The following IQSEC3 variants were observed in gnomAD, a reference collection of about 807,000 sequenced individuals.
IQSEC3 encodes IQ motif and Sec7 domain ArfGEF 3.
Under a neutral mutation model 105.4 loss-of-function variants are expected in IQSEC3, and 50 were observed. That is an observed-to-expected ratio of 0.47 (90% confidence interval 0.38 to 0.60). The LOEUF is 0.60. IQSEC3 is among the 20% of genes least tolerant of loss of function. The pLI is 0.00. For missense variants in IQSEC3, 1,415 were observed against 1,630.0 expected (o/e 0.87, Z 2.27); for synonymous variants, 708 against 746.0 (o/e 0.95, Z 0.83).
At position 91,501 on chromosome 12, in the gene IQSEC3, G is replaced by A. The variant is rs946607968; in HGVS notation, c.555-7645G>A. Among the ~76,000 whole-genome samples, 7 of 152,160 alleles carry A rather than the reference G, an allele frequency of 4.6e-5. No individual in the cohort carries two copies. In the East Asian group the frequency reaches 5.8e-4, roughly 13 times the overall value. ...TCTTTAAGAAACAGGGAGGCCCAGC[G>A]CGGTTGTTCATGCCTGTAATCCCAG... On this transcript the variant is annotated intron_variant, in intron 1 of 13. Transcript: ENST00000538872.
chr12:121,028 G>A (rs1865201597), intron 2 of IQSEC3, among the ~76,000 whole-genome samples: 1 of 152,220 alleles, frequency 6.6e-6, no homozygotes, highest in Non-Finnish European at 1.5e-5. Flanking sequence ...CTAAGAGAGT[G>A]GAGAGCCCCA....
At chr12:110,254 C>T (rs1403928577) in intron 2 of IQSEC3, among the ~76,000 whole-genome samples, 1 of 152,110 alleles carries the variant, frequency 6.6e-6, no homozygotes, top group African/African-American at 2.4e-5. Context: ...GTTTTTCATT[C>T]CACCTATCAA....
intron 3 of IQSEC3, among the ~76,000 whole-genome samples, chr12:136,626 G>C (rs564467735): frequency 2.6e-5 from 4 of 152,140 alleles, no homozygotes; most frequent in East Asian, 3.9e-4. Flanking sequence ...TGGAGAACAC[G>C]GGACGTCCCT....
At chr12:98,077 C>T (rs1238360285) in intron 1 of IQSEC3, among the ~76,000 whole-genome samples, 3 of 152,168 alleles carry the variant, frequency 2.0e-5, no homozygotes, top group African/African-American at 2.4e-5. Flanking sequence ...TTTGAAAATC[C>T]CTTTCAGATG....
intron 2 of IQSEC3, among the ~76,000 whole-genome samples, chr12:101,267 G>C (rs544766440): frequency 6.6e-6 from 1 of 152,224 alleles, no homozygotes; most frequent in Non-Finnish European, 1.5e-5. Context: ...GAGTGGGAGA[G>C]AGGCGGCCCC....
intron 7 of IQSEC3, among the ~76,000 whole-genome samples, chr12:158,860 T>C (rs1555095333): frequency 6.6e-6 from 1 of 152,222 alleles, no homozygotes; most frequent in Non-Finnish European, 1.5e-5. Flanking sequence ...GGTTTCACCA[T>C]GTTGAACAGA....
At chr12:130,707 G>A (rs984031259) in intron 3 of IQSEC3, among the ~76,000 whole-genome samples, 6 of 152,212 alleles carry the variant, frequency 3.9e-5, no homozygotes, top group African/African-American at 1.4e-4. Flanking sequence ...AGCACTTGCT[G>A]TATTCCAGAC....
At chr12:83,177 C>T (rs1863804443) in intron 1 of IQSEC3, among the ~76,000 whole-genome samples, 1 of 152,144 alleles carries the variant, frequency 6.6e-6, no homozygotes, top group African/African-American at 2.4e-5. Context: ...CTGAGCGTGG[C>T]ATTGTCATTT....
In IQSEC3 at chr12:157,117, A is replaced by ATT; in HGVS notation, c.2246_2247insTT (p.Gln749HisfsTer2). 1 of 1,598,192 alleles carries ATT rather than the reference A, an allele frequency of 6.3e-7. No homozygotes were observed. The highest frequency in any genetic ancestry group is 8.5e-7 in the Non-Finnish European group (1 of 1,172,290). The stretch of plus-strand genomic sequence containing the variant: ...CACATCCGTGTGCAGGGGGAGGCTC[A>ATT]GAAGGTGGAGCGGCTCATTGAGGCC... On this transcript the variant is annotated frameshift_variant, in exon 6 of 14. Coordinates refer to ENST00000538872, the MANE Select transcript of IQSEC3 (RefSeq NM_001170738.2). LOFTEE classifies it high-confidence loss of function.
chr12:168,789 A>G (rs1555099279), intron 11 of IQSEC3, among the ~76,000 whole-genome samples: 1 of 152,156 alleles, frequency 6.6e-6, no homozygotes, highest in African/African-American at 2.4e-5. Flanking sequence ...CTGACGTTCA[A>G]GCAGATAGGA....
At chr12:107,655 C>T (rs1179409760) in intron 2 of IQSEC3, among the ~76,000 whole-genome samples, 36 of 152,158 alleles carry the variant, frequency 2.4e-4, no homozygotes, top group African/African-American at 7.7e-4. Context: ...CGTGATCCGC[C>T]CACCTCGGCC....
At chr12:102,635 C>T (rs1459843497) in intron 2 of IQSEC3, among the ~76,000 whole-genome samples, 3 of 152,188 alleles carry the variant, frequency 2.0e-5, no homozygotes, top group Admixed American at 6.5e-5. Context: ...TCAGCCCTAC[C>T]GAGGCCAGGA....
intron 2 of IQSEC3, among the ~76,000 whole-genome samples, chr12:122,812 A>G (rs559467412): frequency 2.8e-4 from 42 of 152,346 alleles, no homozygotes; most frequent in African/African-American, 9.9e-4. Context: ...TCCAGCAATC[A>G]AAGAAAGCAG....
intron 11 of IQSEC3, among the ~76,000 whole-genome samples, chr12:168,200 C>T (rs193298699): frequency 1.2e-4 from 19 of 152,250 alleles, no homozygotes. Flanking sequence ...GGATGGCAGC[C>T]GGCAGTTCTG....
rs1939201847 is a variant in IQSEC3 at position 175,181 on chromosome 12, G to A, written c.*148G>A. The A allele has an allele frequency of 1.5e-6, 1 of 664,848 alleles. No individual in the cohort carries two copies. Among genetic ancestry groups the A allele is most frequent in the Non-Finnish European group, 2.5e-6 (1 of 406,880 alleles). The allele number at this position is 664,848 out of a possible 1,614,324, so 41.2% of individuals were successfully genotyped here. A position where few individuals can be genotyped will look rare whatever the true frequency, so the allele number is the denominator to read the frequency against. ...AAGAGAATCCCAATCCCTGGCACCT[G>A]GGTTTGCCTCATCCAACCATCCTTC... is the stretch of plus-strand genomic sequence containing the variant. On this transcript the variant is annotated 3_prime_UTR_variant, in exon 14 of 14. Transcript: ENST00000538872.
At chr12:78,145 A>C (rs1447950504) in intron 1 of IQSEC3, among the ~76,000 whole-genome samples, 1 of 149,542 alleles carries the variant, frequency 6.7e-6, no homozygotes. Flanking sequence ...ACCCCCGCGC[A>C]CAGCCGCCCG....
At chr12:88,370 G>A (rs1208488896) in intron 1 of IQSEC3, among the ~76,000 whole-genome samples, 1 of 152,226 alleles carries the variant, frequency 6.6e-6, no homozygotes, top group African/African-American at 2.4e-5. Flanking sequence ...AAAACGTACA[G>A]TGTGTTTTTA....
At chr12:71,345 C>T (rs541575938) in intron 1 of IQSEC3, among the ~76,000 whole-genome samples, 1 of 152,412 alleles carries the variant, frequency 6.6e-6, no homozygotes, top group East Asian at 1.9e-4. Context: ...AAACCCTGCA[C>T]TCAGTGCTGT....
At chr12:101,980 ACAGT>A (rs1864436534) in intron 2 of IQSEC3, among the ~76,000 whole-genome samples, 1 of 152,108 alleles carries the variant, frequency 6.6e-6, no homozygotes, top group Non-Finnish European at 1.5e-5. Flanking sequence ...GGAATGTGTC[ACAGT>A]CAGAGGCCAG....
Sources: gnomAD v4.1 joint callset for allele counts (sites outside exome capture counted in the v4.1 genomes callset) on GRCh38, gnomAD v4.1.1 for gene constraint, MANE v1.5 for transcripts, NCBI Gene and HGNC (gene_info 2026-07-23, HGNC 2026-07-21) for gene names.